Variants in ZC3H12B observed in about 807,000 individuals in gnomAD.
ZC3H12B encodes zinc finger CCCH-type containing 12B.
In ZC3H12B, 7 loss-of-function variants were observed where a neutral mutation model predicts 43.9. The observed-to-expected ratio is 0.16, with a 90% confidence interval of 0.09 to 0.30. ZC3H12B has a LOEUF of 0.30. Ranked by LOEUF, ZC3H12B falls within the 10% of genes least tolerant of loss-of-function variation. The pLI is 1.00. For synonymous variants in ZC3H12B, 222 were observed against 241.7 expected (o/e 0.92, Z 0.76); for missense variants, 475 against 670.2 (o/e 0.71, Z 3.22).
At chrX:65,098,593 A>C in the ZC3H12B span, among the ~76,000 whole-genome samples, 1 of 109,957 alleles carries the variant, frequency 9.1e-6, no homozygotes, top group Non-Finnish European at 1.9e-5. Context: ...CAGCCCACAG[A>C]GGGCAAGCAG....
intron 3 of ZC3H12B, among the ~76,000 whole-genome samples, chrX:65,432,569 A>G (rs184018044): frequency 2.4e-4 from 27 of 111,718 alleles, no homozygotes; most frequent in African/African-American, 8.4e-4. Flanking sequence ...TCTGGGCCCC[A>G]CTCAGAACTA....
chrX:65,227,588 C>A, the ZC3H12B span, among the ~76,000 whole-genome samples: 1 of 111,323 alleles, frequency 9.0e-6, no homozygotes, highest in Non-Finnish European at 1.9e-5. Context: ...ATTAATGAAT[C>A]CAGTAGCTGG....
chrX:65,373,802 A>G (rs1352242136), intron 2 of ZC3H12B, among the ~76,000 whole-genome samples: 1 of 91,422 alleles, frequency 1.1e-5, no homozygotes, highest in Non-Finnish European at 2.1e-5. Context: ...ATGACGAGTT[A>G]ATGAGTGCAG....
At chrX:65,133,408 A>G in the ZC3H12B span, among the ~76,000 whole-genome samples, 3 of 109,211 alleles carry the variant, frequency 2.7e-5, no homozygotes, top group Non-Finnish European at 5.7e-5. Context: ...TTCTGGGTCT[A>G]GGGTGGTAAA....
At chrX:65,350,092 A>T in the ZC3H12B span, among the ~76,000 whole-genome samples, 3 of 111,931 alleles carry the variant, frequency 2.7e-5, no homozygotes, top group African/African-American at 6.5e-5. Flanking sequence ...GATGAACCTC[A>T]AGGTGAAAAT....
At chrX:65,328,252 T>C in the ZC3H12B span, 2 of 253,545 alleles carry the variant, frequency 7.9e-6, no homozygotes, top group Non-Finnish European at 1.6e-5. Context: ...CTCTCAAATT[T>C]GTAGGGTAGG....
chrX:65,448,975 G>GAA lies in ZC3H12B; in HGVS notation n.408-39669_408-39668dup, dbSNP rs1217966922. On this transcript the variant is annotated intron_variant and non_coding_transcript_variant, in intron 3 of 5. Transcript: ENST00000617377. ...AAAGAAAAAGAAAGAAAGAAAGAAA[G>GAA]AAAGAGAAAGAAAGAAAGAGAGGAA... Among the ~76,000 whole-genome samples the GAA allele has an allele frequency of 2.1e-3, 177 of 83,031 alleles. 2 individuals carry two copies. Among genetic ancestry groups the GAA allele is most frequent in the Middle Eastern group, 5.6e-3 (1 of 178 alleles). The allele number at this position is 83,031 out of a possible 115,157, so 72.1% of individuals were successfully genotyped here.
At chrX:65,174,923 A>T in the ZC3H12B span, among the ~76,000 whole-genome samples, 7 of 109,782 alleles carry the variant, frequency 6.4e-5, no homozygotes, top group Non-Finnish European at 1.1e-4. Context: ...TGGAGGAAAA[A>T]AAAACAAAAA....
At chrX:65,269,402 C>A in the ZC3H12B span, among the ~76,000 whole-genome samples, 1 of 110,282 alleles carries the variant, frequency 9.1e-6, no homozygotes, top group African/African-American at 3.3e-5. Context: ...TCACTATTAT[C>A]TCTATACACA....
the ZC3H12B span, among the ~76,000 whole-genome samples, chrX:65,257,736 C>G: frequency 1.8e-5 from 2 of 110,919 alleles, no homozygotes; most frequent in Non-Finnish European, 3.8e-5. Flanking sequence ...AAAAAAACCT[C>G]AGAGACTACT....
chrX:65,238,413 T>G, the ZC3H12B span, among the ~76,000 whole-genome samples: 2 of 112,200 alleles, frequency 1.8e-5, no homozygotes, highest in African/African-American at 6.5e-5. Context: ...CTGATGGTTG[T>G]TTGTATTTCT....
intron 3 of ZC3H12B, among the ~76,000 whole-genome samples, chrX:65,406,931 C>T (rs1216190819): frequency 8.9e-6 from 1 of 112,426 alleles, no homozygotes; most frequent in Admixed American, 9.3e-5. Context: ...AGAGTTTGCC[C>T]GCCGGGGAGG....
the ZC3H12B span, among the ~76,000 whole-genome samples, chrX:65,165,525 C>T: frequency 8.9e-6 from 1 of 112,134 alleles, no homozygotes; most frequent in Admixed American, 9.5e-5. Flanking sequence ...TGAGAATATG[C>T]AGTGCTTGGT....
intron 3 of ZC3H12B, among the ~76,000 whole-genome samples, chrX:65,483,621 C>T (rs1164220862): frequency 9.0e-6 from 1 of 111,467 alleles, no homozygotes; most frequent in Non-Finnish European, 1.9e-5. Flanking sequence ...TTATGTGGCT[C>T]TATTGAGAGC....
the ZC3H12B span, among the ~76,000 whole-genome samples, chrX:65,038,899 A>C: frequency 9.0e-6 from 1 of 111,636 alleles, no homozygotes; most frequent in Non-Finnish European, 1.9e-5. Flanking sequence ...ATATCATTGG[A>C]CTAAAAATTT....
chrX:65,307,024 T>C, the ZC3H12B span, among the ~76,000 whole-genome samples: 1 of 112,556 alleles, frequency 8.9e-6, no homozygotes, highest in Non-Finnish European at 1.9e-5. Flanking sequence ...GCTGGAAGAA[T>C]TAACTATATT....
At chrX:65,056,407 A>T in the ZC3H12B span, among the ~76,000 whole-genome samples, 1 of 111,103 alleles carries the variant, frequency 9.0e-6, no homozygotes, top group East Asian at 2.8e-4. Context: ...GTTTTGAGTG[A>T]GTTTCTTAAT....
chrX:65,133,985 G>C, the ZC3H12B span, among the ~76,000 whole-genome samples: 1 of 111,229 alleles, frequency 9.0e-6, no homozygotes, highest in East Asian at 2.9e-4. Flanking sequence ...CCATTTTCTG[G>C]CTATTTAGAA....
chrX:65,306,767 A>T, the ZC3H12B span, among the ~76,000 whole-genome samples: 1 of 112,321 alleles, frequency 8.9e-6, no homozygotes, highest in African/African-American at 3.2e-5. Flanking sequence ...AAGGAAAATA[A>T]CCCAAAAGTC....
Sources: allele counts gnomAD v4.1 joint callset (sites outside exome capture counted in the v4.1 genomes callset), GRCh38; gene constraint gnomAD v4.1.1; transcripts MANE v1.5; gene names NCBI Gene and HGNC (gene_info 2026-07-23, HGNC 2026-07-21).